The following GRXCR1 variants were observed in gnomAD, a reference collection of about 807,000 sequenced individuals.
The protein encoded by GRXCR1 is glutaredoxin and cysteine rich domain containing 1.
In GRXCR1, 27 loss-of-function variants were observed where a neutral mutation model predicts 27.3. The ratio of observed to expected loss-of-function variants is 0.99; its 90% CI spans 0.73 to 1.37. The LOEUF (loss-of-function observed/expected upper bound fraction) is 1.37, where lower values mean the gene tolerates loss of function less well. GRXCR1 is among the 40% of genes most tolerant of loss of function. The pLI is 0.00. For synonymous variants in GRXCR1, 122 were observed against 131.1 expected (o/e 0.93, Z 0.47); for missense variants, 379 against 354.4 (o/e 1.07, Z -0.56).
At chr4:43,025,556 A>G (rs920990520) in intron 3 of GRXCR1, among the ~76,000 whole-genome samples, 3 of 152,182 alleles carry the variant, frequency 2.0e-5, no homozygotes, top group Non-Finnish European at 2.9e-5. Flanking sequence ...AACCCAAACC[A>G]CTATTCAGAG....
chr4:43,002,514 G>T (rs940679290), intron 2 of GRXCR1, among the ~76,000 whole-genome samples: 1 of 151,866 alleles, frequency 6.6e-6, no homozygotes, highest in Admixed American at 6.5e-5. Context: ...AGTGGCTGGG[G>T]CAAAGTGGCT....
intron 2 of GRXCR1, among the ~76,000 whole-genome samples, chr4:42,987,248 A>ATATAATATAT (rs370379241): frequency 1.5e-5 from 1 of 67,564 alleles, no homozygotes; most frequent in African/African-American, 5.2e-5. Flanking sequence ...TATAATATAT[A>ATATAATATAT]ATATATATAT....
chr4:42,987,756 T>C (rs777592551), intron 2 of GRXCR1, among the ~76,000 whole-genome samples: 1 of 152,206 alleles, frequency 6.6e-6, no homozygotes, highest in Non-Finnish European at 1.5e-5. Context: ...GATAAAATTC[T>C]AGATAAAATA....
chr4:42,969,469 A>G (rs780129172), intron 2 of GRXCR1, among the ~76,000 whole-genome samples: 1 of 152,192 alleles, frequency 6.6e-6, no homozygotes, highest in Non-Finnish European at 1.5e-5. Flanking sequence ...GAAAGCATAC[A>G]GTCATATGCA....
At chr4:42,951,631 C>T (rs76989220) in intron 1 of GRXCR1, among the ~76,000 whole-genome samples, 17,198 of 152,156 alleles carry the variant, frequency 0.11, 1,282 homozygotes, top group East Asian at 0.32. Flanking sequence ...TTGGTATATA[C>T]TCAGTAATGG....
chr4:42,914,369 AAAG>A (rs1163756528), intron 1 of GRXCR1, among the ~76,000 whole-genome samples: 2 of 152,252 alleles, frequency 1.3e-5, no homozygotes, highest in Non-Finnish European at 2.9e-5. Flanking sequence ...ACATGGAGTC[AAAG>A]AAGATCATTT....
chr4:42,987,222 T>TATTATATTTATATATA (rs369022273), intron 2 of GRXCR1, among the ~76,000 whole-genome samples: 4 of 100,594 alleles, frequency 4.0e-5, no homozygotes, highest in Non-Finnish European at 5.8e-5. Context: ...TATATATATA[T>TATTATATTTATATATA]TATATATTAT....
intron 1 of GRXCR1, among the ~76,000 whole-genome samples, chr4:42,925,530 T>C (rs1542266): frequency 0.29 from 44,548 of 151,892 alleles, 7,155 homozygotes; most frequent in African/African-American, 0.43. Flanking sequence ...TTTCCGGCAA[T>C]TTGGTTATCA....
rs181578430 is a variant in GRXCR1, at chr4:43,001,716, G to A, written c.628-18638G>A. ...AGACTGAGAAAAGAAATAAGACACA[G>A]AGACAAAGTATAGAGAAGCAACAGT... On this transcript the variant is annotated intron_variant, in intron 2 of 3. Transcript: ENST00000399770. Among the ~76,000 whole-genome samples, 16 of 152,292 alleles carry A rather than the reference G, an allele frequency of 1.1e-4. No individual in the cohort carries two copies. The East Asian group carries it at 2.9e-3, about 28-fold the overall frequency.
At chr4:43,021,235 C>A (rs561393365) in intron 3 of GRXCR1, among the ~76,000 whole-genome samples, 117 of 152,076 alleles carry the variant, frequency 7.7e-4, no homozygotes, top group Non-Finnish European at 1.2e-3. Flanking sequence ...TACTACTATC[C>A]CTTTGTGCAA....
At chr4:42,969,382 G>A (rs1748327780) in intron 2 of GRXCR1, among the ~76,000 whole-genome samples, 1 of 152,108 alleles carries the variant, frequency 6.6e-6, no homozygotes, top group Non-Finnish European at 1.5e-5. Context: ...AAGAAAAGAG[G>A]TTTAATTGAC....
chr4:42,962,875 C>A lies in GRXCR1; in HGVS notation c.385-17C>A, dbSNP rs769908161. The A allele has an allele frequency of 5.6e-6, 9 of 1,611,780 alleles. No homozygotes were observed. The East Asian group carries it at 1.6e-4, about 28-fold the overall frequency. ...AGTAAAAGCAAACATTCTTACAACT[C>A]AATGTTTTCCCTTCAGCAACCATCA... On this transcript the variant is annotated splice_polypyrimidine_tract_variant and intron_variant, in intron 1 of 3. Transcript: ENST00000399770.
chr4:43,005,671 C>G (rs1712533862), intron 2 of GRXCR1, among the ~76,000 whole-genome samples: 1 of 152,078 alleles, frequency 6.6e-6, no homozygotes, highest in African/African-American at 2.4e-5. Context: ...ACACTAACAT[C>G]CAAAGCAGGA....
chr4:42,949,125 G>C (rs192659992), intron 1 of GRXCR1, among the ~76,000 whole-genome samples: 51 of 152,032 alleles, frequency 3.4e-4, no homozygotes, highest in African/African-American at 1.2e-3. Flanking sequence ...GGAGGCTAAG[G>C]TGGGCAGATC....
At chr4:43,011,873 T>C (rs1219656595) in intron 2 of GRXCR1, among the ~76,000 whole-genome samples, 1 of 152,140 alleles carries the variant, frequency 6.6e-6, no homozygotes, top group Non-Finnish European at 1.5e-5. Flanking sequence ...GCATGAATAA[T>C]AAAGGAATTT....
At chr4:42,924,596 T>C (rs1049131339) in intron 1 of GRXCR1, among the ~76,000 whole-genome samples, 1 of 152,088 alleles carries the variant, frequency 6.6e-6, no homozygotes, top group East Asian at 1.9e-4. Flanking sequence ...TTCCTTTACT[T>C]AACAAAAATG....
intron 1 of GRXCR1, among the ~76,000 whole-genome samples, chr4:42,910,171 T>A (rs192588028): frequency 4.9e-4 from 75 of 152,164 alleles, no homozygotes; most frequent in Non-Finnish European, 7.9e-4. Flanking sequence ...GAACTCACTA[T>A]CACCAGAACG....
chr4:42,941,703 C>T (rs1040116932), intron 1 of GRXCR1, among the ~76,000 whole-genome samples: 4 of 151,914 alleles, frequency 2.6e-5, no homozygotes, highest in Non-Finnish European at 4.4e-5. Context: ...CCTATAACAC[C>T]ATGGTGTGGG....
intron 1 of GRXCR1, among the ~76,000 whole-genome samples, chr4:42,905,328 C>T (rs986751929): frequency 6.6e-5 from 10 of 152,298 alleles, no homozygotes; most frequent in East Asian, 5.8e-4. Context: ...GCCTTGCTTG[C>T]GCCTTCTGGG....
Sources: allele counts gnomAD v4.1 joint callset (sites outside exome capture counted in the v4.1 genomes callset), GRCh38; gene constraint gnomAD v4.1.1; transcripts MANE v1.5; gene names NCBI Gene and HGNC (gene_info 2026-07-23, HGNC 2026-07-21).